MITF: variants seen among roughly 807,000 people sequenced by gnomAD.
MITF encodes melanocyte inducing transcription factor, also known as microphthalmia-associated transcription factor.
In MITF, 17 loss-of-function variants were observed where a neutral mutation model predicts 60.5. The ratio of observed to expected loss-of-function variants is 0.28; its 90% confidence interval spans 0.19 to 0.42. MITF has a LOEUF of 0.42. MITF is among the 10% of genes least tolerant of loss of function. The probability of loss-of-function intolerance (pLI) is 1.00; values close to 1 mark genes in which losing one functional copy is unlikely to be tolerated. For missense variants in MITF, 622 were observed against 683.5 expected, an observed-to-expected ratio of 0.91 and a Z score of 1.00; for synonymous variants, 260 against 248.5, an observed-to-expected ratio of 1.05 and a Z score of -0.43.
intron 1 of MITF, among the ~76,000 whole-genome samples, chr3:69,802,959 T>A (rs572992212): frequency 6.6e-6 from 1 of 152,172 alleles, no homozygotes; most frequent in African/African-American, 2.4e-5. Flanking sequence ...GTATTTTTAG[T>A]AGGGACGGGG....
chr3:69,756,210 C>T (rs1363667221), intron 1 of MITF, among the ~76,000 whole-genome samples: 1 of 152,014 alleles, frequency 6.6e-6, no homozygotes, highest in Non-Finnish European at 1.5e-5. Flanking sequence ...TGGTTTGCTG[C>T]ACCTATCAAC....
chr3:69,913,011 A>T lies in MITF; in HGVS notation c.355-24811A>T, dbSNP rs369201928. Among the ~76,000 whole-genome samples the T allele has an allele frequency of 2.0e-5, 3 of 152,316 alleles. No individual in the cohort carries two copies. In the East Asian group the frequency reaches 5.8e-4, roughly 29 times the overall value. On this transcript the variant is annotated intron_variant, in intron 2 of 9. Transcript: ENST00000352241. ...GGAACATTTGGTGGCTGCTTTTGAA[A>T]AGAAAGATAGATCTAGGTGTGTTGA...
At chr3:69,930,401 T>C (rs1173809545) in intron 2 of MITF, among the ~76,000 whole-genome samples, 1 of 152,130 alleles carries the variant, frequency 6.6e-6, no homozygotes, top group Non-Finnish European at 1.5e-5. Flanking sequence ...GTAAATAACA[T>C]GTATTAAGAG....
In MITF at chr3:69,801,200, A is replaced by G. The variant is rs556788363; in HGVS notation, c.104+61499A>G. Among the ~76,000 whole-genome samples the G allele has an allele frequency of 6.8e-4, 104 of 152,086 alleles. 1 individual carries two copies. The highest frequency in any genetic ancestry group is 1.3e-3 in the Non-Finnish European group (91 of 68,008). Reference sequence around the variant, plus strand: ...GTTAGCCAAGCTCATTTTGTATTCCATTGTTTCGAGTGGCTAAAATATCAG... The same window carrying G: ...GTTAGCCAAGCTCATTTTGTATTCCGTTGTTTCGAGTGGCTAAAATATCAG... On this transcript the variant is annotated intron_variant, in intron 1 of 9. Transcript: ENST00000352241.
chr3:69,868,737 A>G (rs1327068616), intron 1 of MITF, among the ~76,000 whole-genome samples: 1 of 152,046 alleles, frequency 6.6e-6, no homozygotes, highest in Admixed American at 6.6e-5. Flanking sequence ...CGTCTCTACT[A>G]AAAATACAAA....
At chr3:69,789,500 T>A (rs964258775) in intron 1 of MITF, among the ~76,000 whole-genome samples, 6 of 152,078 alleles carry the variant, frequency 3.9e-5, no homozygotes, top group African/African-American at 1.2e-4. Flanking sequence ...TTGTTGAGAA[T>A]GTAAAGAAAG....
At chr3:69,939,576 A>G (rs895021118) in intron 4 of MITF, among the ~76,000 whole-genome samples, 1 of 152,058 alleles carries the variant, frequency 6.6e-6, no homozygotes, top group Non-Finnish European at 1.5e-5. Flanking sequence ...CATGGAACAT[A>G]CATTTTGAAA....
At chr3:69,753,427 G>A (rs1436330312) in intron 1 of MITF, among the ~76,000 whole-genome samples, 1 of 152,252 alleles carries the variant, frequency 6.6e-6, no homozygotes, top group Non-Finnish European at 1.5e-5. Flanking sequence ...TGGGGTTGGA[G>A]CCCCTACACA....
chr3:69,777,288 A>T (rs141367533), intron 1 of MITF, among the ~76,000 whole-genome samples: 3 of 152,234 alleles, frequency 2.0e-5, no homozygotes, highest in Non-Finnish European at 2.9e-5. Flanking sequence ...CTAAATTTCA[A>T]TGTTATATCT....
chr3:69,769,472 T>TC (rs2062358340), intron 1 of MITF: 2 of 108 alleles, frequency 0.019, no homozygotes, highest in Admixed American at 0.2. Flanking sequence ...ATGTGATTTC[T>TC]TTTTTTTTCC....
chr3:69,943,295 CTAG>C (rs1274187378), intron 5 of MITF, among the ~76,000 whole-genome samples: 2 of 152,026 alleles, frequency 1.3e-5, no homozygotes, highest in Non-Finnish European at 2.9e-5. Context: ...TACTAGCTCA[CTAG>C]GGAAATAGCA....
rs968258324 is a variant in MITF, at chr3:69,739,621, G to A, written c.24G>A (p.Val8=). The change falls in exon 1 of 10, where the codon GTG becomes GTA. Residue 8 remains valine (V), a synonymous_variant. Coordinates refer to ENST00000352241, the MANE Select transcript of MITF (RefSeq NM_001354604.2). MQSESGI[V]PDFEVGEEFH... ...CCATGCAGTCCGAATCGGGGATCGT[G>A]CCGGATTTCGAAGTCGGGGAGGAGT... is the stretch of plus-strand genomic sequence containing the variant. 1 of 1,580,836 alleles carries A rather than the reference G, an allele frequency of 6.3e-7. No homozygotes were observed. Among genetic ancestry groups the A allele is most frequent in the Non-Finnish European group, 8.6e-7 (1 of 1,161,664 alleles).
At chr3:69,779,996 A>T (rs1033065362) in intron 1 of MITF, among the ~76,000 whole-genome samples, 1 of 152,168 alleles carries the variant, frequency 6.6e-6, no homozygotes, top group Non-Finnish European at 1.5e-5. Flanking sequence ...GGGGCATAAC[A>T]ATAGGATTGG....
At position 69,785,051 on chromosome 3, in the gene MITF, T is replaced by TA. The variant is rs1235347076; in HGVS notation, c.104+45353dup. Among the ~76,000 whole-genome samples the TA allele has an allele frequency of 4.0e-5, 6 of 151,798 alleles. No individual in the cohort carries two copies. In the Middle Eastern group the frequency reaches 0.014, roughly 344 times the overall value. On this transcript the variant is annotated intron_variant, in intron 1 of 9. Coordinates refer to ENST00000352241, the MANE Select transcript of MITF (RefSeq NM_001354604.2). Reference sequence around the variant, plus strand: ...TGCAGTTGGATTTTTTTTTTTTTTTTAAATAGCACAAGATGATTGTCTTTC... The same window carrying TA: ...TGCAGTTGGATTTTTTTTTTTTTTTTAAAATAGCACAAGATGATTGTCTTTC...
At chr3:69,925,949 T>G (rs147347103) in intron 2 of MITF, among the ~76,000 whole-genome samples, 42 of 152,316 alleles carry the variant, frequency 2.8e-4, no homozygotes, top group African/African-American at 9.9e-4. Flanking sequence ...TACTCTGTGT[T>G]TGTCTCTGCT....
At chr3:69,831,285 G>A (rs184066895) in intron 1 of MITF, among the ~76,000 whole-genome samples, 128 of 152,252 alleles carry the variant, frequency 8.4e-4, no homozygotes, top group African/African-American at 2.9e-3. Flanking sequence ...CTGGACAATC[G>A]ACATGGAGTA....
At chr3:69,744,757 T>C (rs1703657652) in intron 1 of MITF, among the ~76,000 whole-genome samples, 1 of 152,236 alleles carries the variant, frequency 6.6e-6, no homozygotes, top group African/African-American at 2.4e-5. Context: ...TGTTAGTAAA[T>C]TCCTTTTTGC....
In MITF at chr3:69,871,391, G is replaced by A. The variant is rs192698022; in HGVS notation, c.105-7743G>A. On this transcript the variant is annotated intron_variant, in intron 1 of 9. Transcript: ENST00000352241. ...CAGGGTCGTACTTCCATGTCTGGAGGTAGTGACAACACCATAACCTCATGA... is the reference window on the plus strand; with the variant it reads ...CAGGGTCGTACTTCCATGTCTGGAGATAGTGACAACACCATAACCTCATGA... Among the ~76,000 whole-genome samples, 3 of 152,316 alleles carry A rather than the reference G, an allele frequency of 2.0e-5. No individual in the cohort carries two copies. The East Asian group carries it at 5.8e-4, about 29-fold the overall frequency.
At chr3:69,961,393 AAAAAAT>A (rs1266481111) in intron 9 of MITF, among the ~76,000 whole-genome samples, 5 of 150,600 alleles carry the variant, frequency 3.3e-5, no homozygotes, top group Non-Finnish European at 7.4e-5. Flanking sequence ...AAAAAAAACA[AAAAAAT>A]AAAAATAAAA....
Sources: gnomAD v4.1 joint callset for allele counts (sites outside exome capture counted in the v4.1 genomes callset) on GRCh38, gnomAD v4.1.1 for gene constraint, MANE v1.5 for transcripts, NCBI Gene and HGNC (gene_info 2026-07-23, HGNC 2026-07-21) for gene names.